The following PCDH15 variants were observed in gnomAD, a reference collection of about 807,000 sequenced individuals.
PCDH15 encodes protocadherin related 15.
In PCDH15, 129 loss-of-function variants were observed where a neutral mutation model predicts 178.5. That is an observed-to-expected ratio of 0.72 (90% CI 0.63 to 0.84). The LOEUF is 0.84. Among genes scored for constraint, PCDH15 ranks in the 40% least tolerant of loss-of-function variants. PCDH15 has a pLI of 0.00. For missense variants in PCDH15, 2,230 were observed against 2,099.9 expected, an observed-to-expected ratio of 1.06 and a Z score of -1.21; for synonymous variants, 800 against 732.0, an observed-to-expected ratio of 1.09 and a Z score of -1.50.
intron 1 of PCDH15, among the ~76,000 whole-genome samples, chr10:54,797,739 C>G (rs115849721): frequency 0.04 from 6,079 of 151,980 alleles, 355 homozygotes; most frequent in African/African-American, 0.14. Flanking sequence ...TGTTGTCCTT[C>G]GGACAGAATA....
At chr10:55,470,943 C>T (rs1839943529) in intron 2 of PCDH15, among the ~76,000 whole-genome samples, 1 of 151,718 alleles carries the variant, frequency 6.6e-6, no homozygotes, top group Non-Finnish European at 1.5e-5. Context: ...GCTTCTTTCA[C>T]TTTGTAATAT....
intron 1 of PCDH15, among the ~76,000 whole-genome samples, chr10:55,274,691 C>A (rs1476723018): frequency 6.6e-6 from 1 of 152,100 alleles, no homozygotes; most frequent in Non-Finnish European, 1.5e-5. Context: ...ACACCAGGAA[C>A]CTGTTTCATG....
chr10:54,721,040 C>T (rs1040889247), intron 1 of PCDH15, among the ~76,000 whole-genome samples: 2 of 151,988 alleles, frequency 1.3e-5, no homozygotes, highest in Non-Finnish European at 2.9e-5. Context: ...CAAGTATCTT[C>T]TTGGATCACA....
At chr10:54,498,722 A>ATTT (rs2080359537) in intron 3 of PCDH15, among the ~76,000 whole-genome samples, 1 of 152,216 alleles carries the variant, frequency 6.6e-6, no homozygotes, top group South Asian at 2.1e-4. Context: ...AAAAGATTCA[A>ATTT]TTCAGCAAGA....
intron 1 of PCDH15, among the ~76,000 whole-genome samples, chr10:55,271,525 T>C (rs1842443991): frequency 6.6e-6 from 1 of 152,108 alleles, no homozygotes; most frequent in Non-Finnish European, 1.5e-5. Context: ...TATTTTGCTA[T>C]CAACATTTTC....
intron 1 of PCDH15, among the ~76,000 whole-genome samples, chr10:55,178,625 T>C (rs1225715415): frequency 2.0e-5 from 3 of 152,138 alleles, no homozygotes; most frequent in Non-Finnish European, 4.4e-5. Context: ...TATATTATAC[T>C]AGAGTAAAGG....
intron 3 of PCDH15, among the ~76,000 whole-genome samples, chr10:54,410,158 G>T (rs1237843476): frequency 6.6e-6 from 1 of 152,092 alleles, no homozygotes; most frequent in Non-Finnish European, 1.5e-5. Context: ...AACAGGGCTG[G>T]GTTGATAATA....
intron 3 of PCDH15, among the ~76,000 whole-genome samples, chr10:54,411,747 G>A (rs182804172): frequency 1.3e-5 from 2 of 152,172 alleles, no homozygotes; most frequent in East Asian, 1.9e-4. Flanking sequence ...CAGGGGCTAT[G>A]TCTCCAGTAA....
chr10:55,374,477 G>A (rs1041097332), intron 2 of PCDH15, among the ~76,000 whole-genome samples: 1 of 151,886 alleles, frequency 6.6e-6, no homozygotes, highest in Non-Finnish European at 1.5e-5. Context: ...GAGGTGTTTG[G>A]GCCTCTACTC....
intron 2 of PCDH15, among the ~76,000 whole-genome samples, chr10:54,985,143 T>C (rs1171229726): frequency 1.3e-5 from 2 of 152,184 alleles, no homozygotes; most frequent in Admixed American, 1.3e-4. Flanking sequence ...GGCAATTTTA[T>C]ATTCTTCACT....
intron 2 of PCDH15, among the ~76,000 whole-genome samples, chr10:55,111,547 TA>T (rs1253510020): frequency 3.9e-5 from 6 of 151,974 alleles, no homozygotes; most frequent in African/African-American, 1.5e-4. Flanking sequence ...AAAAAAAATT[TA>T]AAAAAGTTCT....
rs191253315 is a variant in PCDH15, at chr10:53,815,254, T to A, written c.4491+985A>T. ...ATTTAATTATTATAAACATTTATAC[T>A]GATGCAAAACAAAAACAACAACAAT... On this transcript the variant is annotated intron_variant, in intron 35 of 37. Coordinates refer to ENST00000644397, the MANE Select transcript of PCDH15 (RefSeq NM_001384140.1). Among the ~76,000 whole-genome samples the A allele has an allele frequency of 1.9e-3, 295 of 152,324 alleles. 3 individuals carry two copies. In the South Asian group the frequency reaches 0.02, roughly 10 times the overall value.
At chr10:54,649,678 T>C (rs1382463696) in intron 2 of PCDH15, among the ~76,000 whole-genome samples, 1 of 152,056 alleles carries the variant, frequency 6.6e-6, no homozygotes. Context: ...AGTAAATTTT[T>C]AGAGATTCAC....
chr10:54,144,182 G>A (rs144668926), intron 14 of PCDH15, among the ~76,000 whole-genome samples: 32 of 152,084 alleles, frequency 2.1e-4, no homozygotes, highest in African/African-American at 6.0e-4. Flanking sequence ...GTAGTATGAC[G>A]CTGCCCACGA....
chr10:55,593,043 T>C (rs1400991434), intron 2 of PCDH15, among the ~76,000 whole-genome samples: 1 of 151,958 alleles, frequency 6.6e-6, no homozygotes, highest in African/African-American at 2.4e-5. Flanking sequence ...CATTGTAACC[T>C]TTCTTTAGAA....
intron 16 of PCDH15, among the ~76,000 whole-genome samples, chr10:54,080,658 T>C (rs1430500708): frequency 6.6e-6 from 1 of 152,150 alleles, no homozygotes; most frequent in African/African-American, 2.4e-5. Flanking sequence ...AGTTACTCAA[T>C]TTGCTTATTA....
At chr10:54,050,942 A>C (rs2135621139) in intron 18 of PCDH15, among the ~76,000 whole-genome samples, 1 of 152,252 alleles carries the variant, frequency 6.6e-6, no homozygotes, top group Non-Finnish European at 1.5e-5. Flanking sequence ...TTGAGTTCTC[A>C]AAAGATCTGA....
At chr10:55,379,209 T>G (rs1837473707) in intron 2 of PCDH15, among the ~76,000 whole-genome samples, 1 of 151,938 alleles carries the variant, frequency 6.6e-6, no homozygotes, top group South Asian at 2.1e-4. Context: ...CCCCTACAGA[T>G]GTAACTGTAA....
chr10:55,143,793 A>T (rs1838418506), intron 2 of PCDH15, among the ~76,000 whole-genome samples: 1 of 144,394 alleles, frequency 6.9e-6, no homozygotes, highest in Non-Finnish European at 1.5e-5. Context: ...TGGGTCAAAC[A>T]CTATTTATTA....
Sources: allele counts gnomAD v4.1 joint callset (sites outside exome capture counted in the v4.1 genomes callset), GRCh38; gene constraint gnomAD v4.1.1; transcripts MANE v1.5; gene names NCBI Gene and HGNC (gene_info 2026-07-23, HGNC 2026-07-21).